SLC5A5: variants seen among roughly 807,000 people sequenced by gnomAD.
SLC5A5 encodes the protein sodium/iodide cotransporter.
In SLC5A5, 56 loss-of-function variants were observed where a neutral mutation model predicts 68.6. The observed-to-expected ratio is 0.82, with a 90% CI of 0.66 to 1.02. The LOEUF (loss-of-function observed/expected upper bound fraction) is 1.02. Ranked by LOEUF, SLC5A5 falls within the 50% of genes least tolerant of loss-of-function variation. SLC5A5 has a pLI of 0.00. For missense variants in SLC5A5, 807 were observed against 859.8 expected (o/e 0.94, Z 0.77); for synonymous variants, 398 against 373.0 (o/e 1.07, Z -0.77).
In SLC5A5 at chr19:17,893,733, T is replaced by G; in HGVS notation, c.1788T>G (p.Thr596=). The change falls in exon 15 of 15, where the codon ACT becomes ACG. Residue 596 remains threonine (T), a synonymous_variant. Coordinates refer to ENST00000222248, the MANE Select transcript of SLC5A5 (RefSeq NM_000453.3). The part of the protein sequence containing the change: ...NLVKGPEELP[T]GNKKPPGFLP... Reference sequence around the variant, plus strand: ...CCCAGGGTCCTGAAGAACTCCCCACTGGAAACAAGAAGCCCCCTGGCTTCC... The same window carrying G: ...CCCAGGGTCCTGAAGAACTCCCCACGGGAAACAAGAAGCCCCCTGGCTTCC... The G allele has an allele frequency of 1.6e-5, 26 of 1,614,000 alleles. No individual in the cohort carries two copies. The highest frequency in any genetic ancestry group is 1.9e-5 in the Non-Finnish European group (23 of 1,179,962).
intron 5 of SLC5A5, among the ~76,000 whole-genome samples, chr19:17,876,544 A>G (rs2094307802): frequency 2.0e-5 from 3 of 151,926 alleles, no homozygotes; most frequent in Admixed American, 2.0e-4. Flanking sequence ...CATGACCGAC[A>G]TCGAGAAACC....
intron 1 of SLC5A5, among the ~76,000 whole-genome samples, chr19:17,873,259 A>C (rs904372345): frequency 3.9e-5 from 6 of 151,920 alleles, no homozygotes; most frequent in African/African-American, 1.5e-4. Context: ...TCAGGAGTTC[A>C]AGACCAGCCT....
At chr19:17,884,823 C>T (rs1366468180) in intron 12 of SLC5A5, among the ~76,000 whole-genome samples, 2 of 151,556 alleles carry the variant, frequency 1.3e-5, no homozygotes, top group East Asian at 1.9e-4. Flanking sequence ...ACCATCACCA[C>T]TATCTAAGTC....
chr19:17,893,079 G>GT (rs910265974), intron 14 of SLC5A5, among the ~76,000 whole-genome samples: 8 of 127,644 alleles, frequency 6.3e-5, no homozygotes, highest in African/African-American at 8.9e-5. Context: ...TTATTTGTGT[G>GT]TTTTTTTTCT....
chr19:17,876,040 T>C lies in SLC5A5; in HGVS notation c.632T>C (p.Met211Thr), dbSNP rs763427882. 2 of 1,614,208 alleles carry C rather than the reference T, an allele frequency of 1.2e-6. No homozygotes were observed. Among genetic ancestry groups the C allele is most frequent in the Non-Finnish European group, 1.7e-6 (2 of 1,180,044 alleles). Residue 211 changes from methionine (M) to threonine (T), a missense_variant, in exon 5 of 15, where the codon ATG (methionine) becomes ACG (threonine). Physicochemically the swap from Met to Thr is moderately conservative, Grantham distance 81 (BLOSUM62 -1). Transcript: ENST00000222248. ...GFWVVLARGVMLVGGPRQVLT... is the reference protein window; with the variant it reads ...GFWVVLARGVTLVGGPRQVLT... ...TGGGTTGTCCTGGCACGCGGTGTCA[T>C]GCTTGTGGGCGGGCCCCGCCAGGTG...
At chr19:17,879,356 C>T (rs2094315396) in intron 7 of SLC5A5, among the ~76,000 whole-genome samples, 1 of 152,040 alleles carries the variant, frequency 6.6e-6, no homozygotes, top group South Asian at 2.1e-4. Flanking sequence ...TGTAATCCAG[C>T]GGGAACTAAT....
chr19:17,882,234 G>C lies in SLC5A5; in HGVS notation c.1242+15G>C. On this transcript the variant is annotated intron_variant, in intron 10 of 14. Coordinates refer to ENST00000222248, the MANE Select transcript of SLC5A5 (RefSeq NM_000453.3). ...GTGTCCTTCAGGTGAGACCCCACCT[G>C]CCCCCTGCCCTGGTCTCCTGAGAGG... 1 of 1,608,550 alleles carries C rather than the reference G, an allele frequency of 6.2e-7. No homozygotes were observed.
rs780854732 is a variant in SLC5A5 at position 17,876,083 on chromosome 19, C to T, written c.675C>T (p.Asn225=). ...GCCAGGTGCTCACGCTGGCCCAGAA[C>T]CACTCCCGGATCAACCTCATGGAGT... ...GPRQVLTLAQ[N]HSRINLMDFN... is the part of the protein sequence containing the mutation. The change falls in exon 5 of 15, where the codon AAC becomes AAT. Residue 225 remains asparagine (N), a synonymous_variant. Transcript: ENST00000222248. The T allele has an allele frequency of 1.2e-6, 2 of 1,614,030 alleles. No individual in the cohort carries two copies. Among genetic ancestry groups the T allele is most frequent in the South Asian group, 2.2e-5 (2 of 91,086 alleles).
In SLC5A5 at chr19:17,891,455, C is replaced by T. The variant is rs529258500; in HGVS notation, c.1767+454C>T. Among the ~76,000 whole-genome samples, 17 of 152,290 alleles carry T rather than the reference C, an allele frequency of 1.1e-4. No homozygotes were observed. The East Asian group carries it at 3.3e-3, about 29-fold the overall frequency. On this transcript the variant is annotated intron_variant, in intron 14 of 14. Transcript: ENST00000222248. ...TCCTGACCTCAAATGATCCACCCAC[C>T]TTAGACCCCCAAAGTGCTGGGATGA...
intron 4 of SLC5A5, 121 bp from the exon 5 acceptor site, chr19:17,875,831 T>C: frequency 1.2e-6 from 1 of 823,604 alleles, no homozygotes; most frequent in South Asian, 1.4e-5. Context: ...GAAGGTATTA[T>C]TATTAATCCC....
chr19:17,889,339 C>T (rs2030060691), intron 13 of SLC5A5, among the ~76,000 whole-genome samples: 2 of 150,214 alleles, frequency 1.3e-5, no homozygotes, highest in Non-Finnish European at 3.0e-5. Context: ...ATGGAGGTTG[C>T]AGTGAGCCAA....
chr19:17,883,144 A>G (rs148374861), intron 10 of SLC5A5, among the ~76,000 whole-genome samples: 264 of 152,182 alleles, frequency 1.7e-3, no homozygotes, highest in African/African-American at 6.0e-3. Context: ...ACTTGTTTTT[A>G]GAGACAGGGT....
chr19:17,872,426 T>G lies in SLC5A5; in HGVS notation c.107T>G (p.Leu36Arg). Residue 36 changes from leucine to arginine, a missense_variant, in exon 1 of 15, where the codon CTG becomes CGG. Transcript: ENST00000222248. ...VSTGIGLWVG[L>R]ARGGQRSAED... is the part of the protein sequence containing the mutation. ...ACTGGCATCGGGCTGTGGGTCGGGC[T>G]GGCTCGGGGCGGGCAGCGCAGCGCT... The G allele has an allele frequency of 1.9e-6, 3 of 1,608,974 alleles. No homozygotes were observed. Among genetic ancestry groups the G allele is most frequent in the Non-Finnish European group, 2.5e-6 (3 of 1,177,684 alleles).
intron 7 of SLC5A5, among the ~76,000 whole-genome samples, chr19:17,880,289 G>C (rs987209536): frequency 6.7e-6 from 1 of 149,604 alleles, no homozygotes; most frequent in Non-Finnish European, 1.5e-5. Flanking sequence ...ATCTCCGCTC[G>C]CTGCAACCTC....
At chr19:17,874,116 G>A (rs1383434285) in intron 1 of SLC5A5, 22 bp from the exon 2 acceptor site, 2 of 1,586,122 alleles carry the variant, frequency 1.3e-6, no homozygotes, top group East Asian at 4.5e-5. Context: ...CTGTCCAGGT[G>A]ACCTCGAGTC....
At chr19:17,873,588 T>A (rs2094299501) in intron 1 of SLC5A5, among the ~76,000 whole-genome samples, 2 of 151,996 alleles carry the variant, frequency 1.3e-5, no homozygotes, top group South Asian at 4.1e-4. Context: ...AAACCCCGTC[T>A]TTACTAAAAA....
Position 17,882,068 on chromosome 19 carries a change from G to A in SLC5A5, c.1167G>A (p.Gly389=), listed in dbSNP as rs374022956. ...APRKLVIISK[G]LSLIYGSACL... ...GGAAACTCGTGATTATCTCCAAGGG[G>A]CTCTGTGAGTTTCAGGGAGACCTGG... The change falls in exon 9 of 15, where the codon GGG becomes GGA. Residue 389 remains glycine (G), a synonymous_variant. Transcript: ENST00000222248. 25 of 1,613,590 alleles carry A rather than the reference G, an allele frequency of 1.5e-5. No individual in the cohort carries two copies. The highest frequency in any genetic ancestry group is 1.5e-4 in the African/African-American group (11 of 74,944).
chr19:17,884,659 G>C (rs990292100), intron 12 of SLC5A5, among the ~76,000 whole-genome samples: 13 of 151,658 alleles, frequency 8.6e-5, no homozygotes, highest in African/African-American at 2.7e-4. Flanking sequence ...TGTAATCCCA[G>C]CTACTCGGGA....
Position 17,894,020 on chromosome 19 carries a change from A to C in SLC5A5, c.*143A>C. 1 of 812,200 alleles carries C rather than the reference A, an allele frequency of 1.2e-6. No homozygotes were observed. The highest frequency in any genetic ancestry group is 2.0e-6 in the Non-Finnish European group (1 of 499,896). The allele number at this position is 812,200 out of a possible 1,614,324, so 50.3% of individuals were successfully genotyped here. ...GTTCAGGACTACAATACCCTACCCTATGGGGAGGCCCTGCCTCCGGGAGGT... is the reference window on the plus strand; with the variant it reads ...GTTCAGGACTACAATACCCTACCCTCTGGGGAGGCCCTGCCTCCGGGAGGT... On this transcript the variant is annotated 3_prime_UTR_variant, in exon 15 of 15. Coordinates refer to ENST00000222248, the MANE Select transcript of SLC5A5 (RefSeq NM_000453.3).
Sources: gnomAD v4.1 joint callset for allele counts (sites outside exome capture counted in the v4.1 genomes callset) on GRCh38, gnomAD v4.1.1 for gene constraint, MANE v1.5 for transcripts, NCBI Gene and HGNC (gene_info 2026-07-23, HGNC 2026-07-21) for gene names.